GPHN: variants seen among roughly 807,000 people sequenced by gnomAD.
GPHN encodes gephyrin.
A neutral mutation model predicts 95.5 loss-of-function variants in GPHN; 17 were observed. That is an observed-to-expected ratio of 0.18 (90% CI 0.12 to 0.27). GPHN has a LOEUF of 0.27. Among genes scored for constraint, GPHN ranks in the 10% least tolerant of loss-of-function variants. The pLI, the probability that GPHN is intolerant of heterozygous loss-of-function variation, is 1.00. For synonymous variants in GPHN, 320 were observed against 322.5 expected (o/e 0.99, Z 0.08); for missense variants, 660 against 978.1 (o/e 0.67, Z 4.34).
At chr14:66,691,924 C>A (rs1431792602) in intron 2 of GPHN, among the ~76,000 whole-genome samples, 1 of 152,124 alleles carries the variant, frequency 6.6e-6, no homozygotes, top group Non-Finnish European at 1.5e-5. Context: ...AACCTCTAAT[C>A]CAAAAAAGAT....
chr14:67,249,904 G>A, the GPHN span, among the ~76,000 whole-genome samples: 1 of 152,180 alleles, frequency 6.6e-6, no homozygotes, highest in Non-Finnish European at 1.5e-5. Context: ...AGTGAGCTAG[G>A]TGCTCTGCTA....
At chr14:67,636,066 A>G in the GPHN span, among the ~76,000 whole-genome samples, 2 of 152,050 alleles carry the variant, frequency 1.3e-5, no homozygotes, top group African/African-American at 2.4e-5. Context: ...ATATTTAGAA[A>G]CAATTTGGAA....
At chr14:67,533,562 G>A in the GPHN span, 1 of 152,058 alleles carries the variant, frequency 6.6e-6, no homozygotes, top group Non-Finnish European at 1.5e-5. Context: ...GCTGGAGCGC[G>A]GGTCTGGCTT....
chr14:67,539,646 A>G, the GPHN span, among the ~76,000 whole-genome samples: 2 of 152,150 alleles, frequency 1.3e-5, no homozygotes, highest in Non-Finnish European at 2.9e-5. Context: ...TTTCAAGTCT[A>G]CCACACTCTT....
At chr14:67,321,817 GTA>G in the GPHN span, among the ~76,000 whole-genome samples, 1 of 152,068 alleles carries the variant, frequency 6.6e-6, no homozygotes, top group African/African-American at 2.4e-5. Context: ...ATATATGCTT[GTA>G]TGTATGTTCT....
At chr14:67,143,891 G>A (rs953781001) in intron 18 of GPHN, among the ~76,000 whole-genome samples, 2 of 151,876 alleles carry the variant, frequency 1.3e-5, no homozygotes, top group Admixed American at 6.6e-5. Context: ...AAGGAAGAAA[G>A]GGAGGATTAG....
intron 11 of GPHN, among the ~76,000 whole-genome samples, chr14:67,075,951 T>G (rs936042906): frequency 1.3e-5 from 2 of 152,196 alleles, no homozygotes; most frequent in Non-Finnish European, 2.9e-5. Flanking sequence ...ACTTAGTTGG[T>G]AAAGTAGTGA....
chr14:66,582,605 A>G (rs1029574855), intron 1 of GPHN, among the ~76,000 whole-genome samples: 5 of 151,658 alleles, frequency 3.3e-5, no homozygotes, highest in African/African-American at 9.7e-5. Context: ...TCATTGTTCA[A>G]TTCCCACCTA....
chr14:66,957,090 T>G (rs914190050), intron 8 of GPHN, among the ~76,000 whole-genome samples: 3 of 148,924 alleles, frequency 2.0e-5, no homozygotes, highest in Non-Finnish European at 4.5e-5. Flanking sequence ...AATGTGCACA[T>G]GTACCCTAAA....
chr14:67,602,484 A>G, the GPHN span, among the ~76,000 whole-genome samples: 1 of 152,224 alleles, frequency 6.6e-6, no homozygotes, highest in Non-Finnish European at 1.5e-5. Context: ...ATATTTGCTT[A>G]TTGTGGAAAA....
chr14:67,342,370 T>C, the GPHN span, among the ~76,000 whole-genome samples: 2 of 152,020 alleles, frequency 1.3e-5, no homozygotes, highest in South Asian at 2.1e-4. Context: ...CAACACTGAA[T>C]GTGCTGAATT....
At chr14:66,842,866 CAT>C in intron 4 of GPHN, 1 of 627,950 alleles carries the variant, frequency 1.6e-6, no homozygotes, top group Non-Finnish European at 2.8e-6. Flanking sequence ...GTTCTAGGGT[CAT>C]TCTGTATCCC....
the GPHN span, among the ~76,000 whole-genome samples, chr14:67,716,610 G>A: frequency 6.6e-5 from 10 of 152,302 alleles, no homozygotes; most frequent in African/African-American, 2.4e-4. Flanking sequence ...CAGGCTGAGT[G>A]TGGTGGCTCA....
At chr14:67,056,680 G>A (rs910122671) in intron 10 of GPHN, among the ~76,000 whole-genome samples, 6 of 152,092 alleles carry the variant, frequency 3.9e-5, no homozygotes, top group South Asian at 2.1e-4. Context: ...TGGATCACAC[G>A]CCAGGGCCGT....
At chr14:66,649,366 C>G (rs2064926592) in intron 1 of GPHN, among the ~76,000 whole-genome samples, 1 of 151,788 alleles carries the variant, frequency 6.6e-6, no homozygotes, top group South Asian at 2.1e-4. Flanking sequence ...GCAGGGGTCC[C>G]CGACCCCCGG....
At chr14:67,046,884 T>G (rs2075044991) in intron 10 of GPHN, among the ~76,000 whole-genome samples, 1 of 152,198 alleles carries the variant, frequency 6.6e-6, no homozygotes. Flanking sequence ...TATATGAAAG[T>G]CTAAATGCTT....
At chr14:67,734,681 A>T in the GPHN span, among the ~76,000 whole-genome samples, 1 of 152,170 alleles carries the variant, frequency 6.6e-6, no homozygotes, top group Non-Finnish European at 1.5e-5. Flanking sequence ...GACAGAGAAA[A>T]AGCAGTTTCA....
chr14:67,070,715 A>ATATATATATATATAT (rs1555482657), intron 11 of GPHN, among the ~76,000 whole-genome samples: 8 of 80,704 alleles, frequency 9.9e-5, no homozygotes, highest in African/African-American at 3.8e-4. Context: ...AAAAAAAAAA[A>ATATATATATATATAT]ATATATATAT....
chr14:67,529,518 T>G, the GPHN span, among the ~76,000 whole-genome samples: 4 of 152,146 alleles, frequency 2.6e-5, no homozygotes. Context: ...GTTAGGACAC[T>G]TCCTCCCATC....
Sources: allele counts gnomAD v4.1 joint callset (sites outside exome capture counted in the v4.1 genomes callset), GRCh38; gene constraint gnomAD v4.1.1; transcripts MANE v1.5; gene names NCBI Gene and HGNC (gene_info 2026-07-23, HGNC 2026-07-21).